The following PCSK2 variants were observed in gnomAD, a reference collection of about 807,000 sequenced individuals.
The protein encoded by PCSK2 is neuroendocrine convertase 2.
A neutral mutation model predicts 69.7 loss-of-function variants in PCSK2; 14 were observed. That is an observed-to-expected ratio of 0.20 (90% CI 0.13 to 0.31). PCSK2 has a LOEUF of 0.31. PCSK2 is among the 10% of genes least tolerant of loss of function. The pLI, the probability that PCSK2 is intolerant of heterozygous loss-of-function variation, is 1.00. For missense variants in PCSK2, 544 were observed against 842.5 expected, an observed-to-expected ratio of 0.65 and a Z score of 4.39; for synonymous variants, 307 against 320.7, an observed-to-expected ratio of 0.96 and a Z score of 0.46.
chr20:17,380,631 T>A (rs2031061946), intron 5 of PCSK2, among the ~76,000 whole-genome samples: 1 of 152,172 alleles, frequency 6.6e-6, no homozygotes, highest in Non-Finnish European at 1.5e-5. Context: ...TGCCTCTGGC[T>A]CATAAGACAC....
chr20:17,399,216 T>C (rs919996515), intron 5 of PCSK2, among the ~76,000 whole-genome samples: 1 of 152,194 alleles, frequency 6.6e-6, no homozygotes, highest in African/African-American at 2.4e-5. Context: ...CCCATAGAAG[T>C]ACTTAAATCT....
chr20:17,267,464 G>A (rs1232743290), intron 2 of PCSK2, among the ~76,000 whole-genome samples: 1 of 152,196 alleles, frequency 6.6e-6, no homozygotes, highest in Non-Finnish European at 1.5e-5. Context: ...CTAATCCTCT[G>A]CTTTCAGAAT....
chr20:17,315,506 G>T (rs1989656237), intron 2 of PCSK2, among the ~76,000 whole-genome samples: 2 of 152,130 alleles, frequency 1.3e-5, no homozygotes, highest in South Asian at 4.1e-4. Context: ...GGTGCACAGC[G>T]CCCAGCTCCC....
chr20:17,428,609 A>G (rs955241334), intron 6 of PCSK2, among the ~76,000 whole-genome samples: 2 of 152,166 alleles, frequency 1.3e-5, no homozygotes, highest in African/African-American at 2.4e-5. Context: ...CAGTGAGTGG[A>G]AAGACCTTGT....
chr20:17,399,193 C>G (rs969959830), intron 5 of PCSK2, among the ~76,000 whole-genome samples: 10 of 152,222 alleles, frequency 6.6e-5, no homozygotes, highest in African/African-American at 2.4e-4. Context: ...TTTTCCATCA[C>G]TCTTTCAAAT....
chr20:17,234,160 AACCGAGCCAG>A (rs1221185675), intron 1 of PCSK2, among the ~76,000 whole-genome samples: 1 of 152,192 alleles, frequency 6.6e-6, no homozygotes, highest in Non-Finnish European at 1.5e-5. Context: ...CTCGAAGGCA[AACCGAGCCAG>A]ATCACAACAA....
chr20:17,226,237 G>C (rs1985894207), upstream of PCSK2: 1 of 152,212 alleles, frequency 6.6e-6, no homozygotes, highest in Admixed American at 6.5e-5. Flanking sequence ...TCCTAGAGGA[G>C]CCTCCTCCAG....
intron 2 of PCSK2, among the ~76,000 whole-genome samples, chr20:17,338,175 G>C (rs1032924510): frequency 6.9e-6 from 1 of 145,852 alleles, no homozygotes; most frequent in East Asian, 2.1e-4. Context: ...TTTTTTTGGG[G>C]GGGGGGGTTG....
intron 5 of PCSK2, among the ~76,000 whole-genome samples, chr20:17,403,518 A>G (rs565994867): frequency 6.6e-6 from 1 of 152,270 alleles, no homozygotes; most frequent in East Asian, 1.9e-4. Context: ...CATACAGATG[A>G]GCTTTGTTCT....
At chr20:17,251,001 G>C (rs1568570041) in intron 1 of PCSK2, among the ~76,000 whole-genome samples, 1 of 152,140 alleles carries the variant, frequency 6.6e-6, no homozygotes, top group African/African-American at 2.4e-5. Context: ...TCGGGCGGCT[G>C]AGGCAGGAGA....
intron 2 of PCSK2, among the ~76,000 whole-genome samples, chr20:17,329,612 T>C (rs537767870): frequency 5.9e-5 from 9 of 152,342 alleles, no homozygotes; most frequent in African/African-American, 2.2e-4. Context: ...AAAACTTCGC[T>C]CTCTCAGCTA....
Position 17,301,810 on chromosome 20 carries a change from A to G in PCSK2, c.282+41466A>G, listed in dbSNP as rs147376181. ...ACCAGGCGTGGTGGTGCACACCTGTAATCCCAGCTTCTCAGGAGGCTGAGG... is the reference window on the plus strand; with the variant it reads ...ACCAGGCGTGGTGGTGCACACCTGTGATCCCAGCTTCTCAGGAGGCTGAGG... On this transcript the variant is annotated intron_variant, in intron 2 of 11. Coordinates refer to ENST00000262545, the MANE Select transcript of PCSK2 (RefSeq NM_002594.5). Among the ~76,000 whole-genome samples the G allele has an allele frequency of 5.8e-3, 890 of 152,222 alleles. 5 individuals are homozygous for G. Among genetic ancestry groups the G allele is most frequent in the Non-Finnish European group, 0.01 (688 of 68,002 alleles).
At chr20:17,272,371 G>C (rs1194078504) in intron 2 of PCSK2, among the ~76,000 whole-genome samples, 1 of 152,062 alleles carries the variant, frequency 6.6e-6, no homozygotes, top group African/African-American at 2.4e-5. Context: ...ATCTCACATT[G>C]ATTAATAGTG....
chr20:17,381,655 T>A (rs1218335002), intron 5 of PCSK2, among the ~76,000 whole-genome samples: 2 of 152,212 alleles, frequency 1.3e-5, no homozygotes, highest in African/African-American at 4.8e-5. Context: ...ATGGCTGATA[T>A]GAACACTGGG....
chr20:17,463,260 G>T (rs1455607771), intron 10 of PCSK2, among the ~76,000 whole-genome samples: 2 of 152,162 alleles, frequency 1.3e-5, no homozygotes, highest in Admixed American at 6.5e-5. Context: ...TGAGAAACCT[G>T]CTAGCCAGCC....
intron 10 of PCSK2, chr20:17,464,467 C>G (rs1415249860): frequency 6.6e-6 from 1 of 152,024 alleles, no homozygotes; most frequent in Non-Finnish European, 1.5e-5. Flanking sequence ...GAACTGGTAC[C>G]CTCCTTTTCA....
chr20:17,279,188 G>A (rs371239145), intron 2 of PCSK2, among the ~76,000 whole-genome samples: 1 of 152,128 alleles, frequency 6.6e-6, no homozygotes, highest in Non-Finnish European at 1.5e-5. Context: ...TGTCCTTCAT[G>A]AGAGGCGACT....
At chr20:17,477,567 C>G (rs1295351837) in intron 11 of PCSK2, among the ~76,000 whole-genome samples, 1 of 151,910 alleles carries the variant, frequency 6.6e-6, no homozygotes. Flanking sequence ...TTTTGATGTG[C>G]CAAAAACAAA....
At chr20:17,466,720 G>A (rs2033107322) in intron 11 of PCSK2, among the ~76,000 whole-genome samples, 1 of 152,192 alleles carries the variant, frequency 6.6e-6, no homozygotes, top group African/African-American at 2.4e-5. Context: ...TATCATTTGA[G>A]TGTTGATAAA....
Sources: allele counts gnomAD v4.1 joint callset (sites outside exome capture counted in the v4.1 genomes callset), GRCh38; gene constraint gnomAD v4.1.1; transcripts MANE v1.5; gene names NCBI Gene and HGNC (gene_info 2026-07-23, HGNC 2026-07-21).